KLHL21: variants seen among roughly 807,000 people sequenced by gnomAD.
KLHL21 encodes the protein kelch like family member 21.
In KLHL21, 42 loss-of-function variants were observed where a neutral mutation model predicts 44.1. That is an observed-to-expected ratio of 0.95 (90% CI 0.74 to 1.23). The LOEUF (loss-of-function observed/expected upper bound fraction) is 1.23. Among genes scored for constraint, KLHL21 ranks in the 50% most tolerant of loss-of-function variants. KLHL21 has a pLI of 0.00. For synonymous variants in KLHL21, 524 were observed against 411.6 expected (o/e 1.27, Z -3.31); for missense variants, 918 against 889.1 (o/e 1.03, Z -0.41).
At position 6,602,224 on chromosome 1, in the gene KLHL21, G is replaced by T; in HGVS notation, c.594C>A (p.Ala198=). The part of the protein sequence containing the change: ...DGLCVPKEEA[A]YQLALRWVRA... ...GGACCCAGCGCAGCGCCAGCTGGTA[G>T]GCGGCCTCCTCCTTGGGCACACACA... The change falls in exon 1 of 4, where the codon GCC becomes GCA. Residue 198 remains alanine, a synonymous_variant. Coordinates refer to ENST00000377658, the MANE Select transcript of KLHL21 (RefSeq NM_014851.4). The T allele has an allele frequency of 6.6e-7, 1 of 1,522,966 alleles. No individual in the cohort carries two copies. The highest frequency in any genetic ancestry group is 8.8e-7 in the Non-Finnish European group (1 of 1,142,168). The allele number at this position is 1,522,966 out of a possible 1,614,324, so 94.3% of individuals were successfully genotyped here. A position where few individuals can be genotyped will look rare whatever the true frequency, so the allele number is the denominator to read the frequency against.
In KLHL21 at chr1:6,591,118, G is replaced by C. The variant is rs574355515; in HGVS notation, c.*2247C>G. On this transcript the variant is annotated 3_prime_UTR_variant, in exon 4 of 4. Coordinates refer to ENST00000377658, the MANE Select transcript of KLHL21 (RefSeq NM_014851.4). The stretch of plus-strand genomic sequence containing the variant: ...ACCCACAGCAGAGGGAAACTGGGGA[G>C]AGGAGGGGGCCTGACCCTGGATCCC... 12 of 398,094 alleles carry C rather than the reference G, an allele frequency of 3.0e-5. No homozygotes were observed. The highest frequency in any genetic ancestry group is 1.8e-4 in the African/African-American group (9 of 48,782). The allele number at this position is 398,094 out of a possible 1,614,324, so 24.7% of individuals were successfully genotyped here.
chr1:6,602,235 C>T lies in KLHL21; in HGVS notation c.583G>A (p.Glu195Lys). ...LRDDGLCVPK[E>K]EAAYQLALRW... ...AGCGCCAGCTGGTAGGCGGCCTCCT[C>T]CTTGGGCACACACAGCCCGTCGTCC... The change falls in exon 1 of 4, where the codon GAG becomes AAG. Residue 195 changes from glutamate (E) to lysine (K), a missense_variant. Transcript: ENST00000377658. The T allele has an allele frequency of 6.5e-7, 1 of 1,534,058 alleles. No homozygotes were observed. Among genetic ancestry groups the T allele is most frequent in the Non-Finnish European group, 8.7e-7 (1 of 1,146,902 alleles).
chr1:6,597,166 T>G (rs890779258), intron 2 of KLHL21, among the ~76,000 whole-genome samples: 11 of 152,094 alleles, frequency 7.2e-5, no homozygotes, highest in African/African-American at 2.7e-4. Context: ...TCCAGAGCAC[T>G]GCCTCCTCCC....
rs779131476 is a variant in KLHL21 at position 6,602,292 on chromosome 1, G to C, written c.526C>G (p.Leu176Val). ...GELGAEQLER[L>V]PLARLLRYLR... ...TAGCGCAGCAGGCGCGCCAGTGGCA[G>C]CCGCTCCAGCTGCTCGGCGCCCAGC... is the stretch of plus-strand genomic sequence containing the variant. Residue 176 changes from leucine to valine, a missense_variant, in exon 1 of 4, where the codon CTG becomes GTG. Physicochemically the swap from Leu to Val is conservative, Grantham distance 32 (BLOSUM62 1). Coordinates refer to ENST00000377658, the MANE Select transcript of KLHL21 (RefSeq NM_014851.4). 21 of 1,555,980 alleles carry C rather than the reference G, an allele frequency of 1.3e-5. No individual in the cohort carries two copies. Among genetic ancestry groups the C allele is most frequent in the East Asian group, 9.6e-5 (4 of 41,572 alleles).
chr1:6,602,563 G>T lies in KLHL21; in HGVS notation c.255C>A (p.Asp85Glu). The change falls in exon 1 of 4, where the codon GAC becomes GAA. Residue 85 changes from aspartate (D) to glutamate (E), a missense_variant. Coordinates refer to ENST00000377658, the MANE Select transcript of KLHL21 (RefSeq NM_014851.4). ...TGAAGTCCAGCAGCAGCTGCAGCAT[G>T]TCGGGAGGCACTCCGTGCAGGCGCA... ...ERVRLHGVPP[D>E]MLQLLLDFSY... 1 of 1,535,984 alleles carries T rather than the reference G, an allele frequency of 6.5e-7. No homozygotes were observed. The highest frequency in any genetic ancestry group is 8.7e-7 in the Non-Finnish European group (1 of 1,146,232).
In KLHL21 at chr1:6,595,248, C is replaced by G. The variant is rs536323225; in HGVS notation, c.1500+237G>C. 7.9e-4 allele frequency: 490 copies of G among 623,678 alleles called. 8 individuals carry two copies. In the South Asian group the frequency reaches 8.8e-3, roughly 11 times the overall value. 38.6% of individuals were successfully genotyped at this position (623,678 alleles called of 1,614,324 possible). On this transcript the variant is annotated intron_variant, in intron 3 of 3. Transcript: ENST00000377658. Reference sequence around the variant, plus strand: ...CTTCCTTCTGCTCTCTGGCTCACAGCAGATACTCAATAAACACTGCTCAAA... The same window carrying G: ...CTTCCTTCTGCTCTCTGGCTCACAGGAGATACTCAATAAACACTGCTCAAA...
At chr1:6,597,380 G>A (rs1425255213) in intron 2 of KLHL21, among the ~76,000 whole-genome samples, 2 of 152,322 alleles carry the variant, frequency 1.3e-5, no homozygotes, top group South Asian at 2.1e-4. Flanking sequence ...CCTAGGGGCC[G>A]AAAGGAAGGT....
rs954478408 is a variant in KLHL21, at chr1:6,593,291, C to T, written c.*74G>A. On this transcript the variant is annotated 3_prime_UTR_variant, in exon 4 of 4. Coordinates refer to ENST00000377658, the MANE Select transcript of KLHL21 (RefSeq NM_014851.4). ...CCTGTGAGCCCAACGTGTCCTTGTG[C>T]ACAAAGGAGTGGGGCACTGCCCCGC... is the stretch of plus-strand genomic sequence containing the variant. The T allele has an allele frequency of 4.1e-6, 6 of 1,451,022 alleles. No homozygotes were observed. Among genetic ancestry groups the T allele is most frequent in the Admixed American group, 4.4e-5 (2 of 45,200 alleles). 89.9% of individuals were successfully genotyped at this position (1,451,022 alleles called of 1,614,324 possible).
Position 6,591,355 on chromosome 1 carries a change from C to A in KLHL21, c.*2010G>T. 1 of 236,534 alleles carries A rather than the reference C, an allele frequency of 4.2e-6. No homozygotes were observed. 14.7% of individuals were successfully genotyped at this position (236,534 alleles called of 1,614,324 possible). A position where few individuals can be genotyped will look rare whatever the true frequency, so the allele number is the denominator to read the frequency against. ...CCTCATCTGAGTGGCCGACACAAGC[C>A]TGGAGTACGGCAGCTGCCAACCACA... On this transcript the variant is annotated 3_prime_UTR_variant, in exon 4 of 4. Transcript: ENST00000377658.
rs1415629422 is a variant in KLHL21, at chr1:6,602,007, C to T, written c.811G>A (p.Gly271Arg). The T allele has an allele frequency of 6.5e-7, 1 of 1,542,538 alleles. No homozygotes were observed. The highest frequency in any genetic ancestry group is 1.2e-5 in the South Asian group (1 of 83,682). Residue 271 changes from glycine to arginine, a missense_variant, in exon 1 of 4, where the codon GGG (glycine) becomes AGG (arginine). Coordinates refer to ENST00000377658, the MANE Select transcript of KLHL21 (RefSeq NM_014851.4). ...QAARYDRHDR[G>R]PCPRMRPRPS... The stretch of plus-strand genomic sequence containing the variant: ...CGAGGACGCATTCGGGGACAGGGCC[C>T]GCGGTCGTGGCGGTCGTAGCGCGCC...
At position 6,593,305 on chromosome 1, in the gene KLHL21, G is replaced by A. The variant is rs952570594; in HGVS notation, c.*60C>T. The A allele has an allele frequency of 1.1e-5, 16 of 1,474,162 alleles. No homozygotes were observed. In the Admixed American group the frequency reaches 3.2e-4, roughly 30 times the overall value. 91.3% of individuals were successfully genotyped at this position (1,474,162 alleles called of 1,614,324 possible). A position where few individuals can be genotyped will look rare whatever the true frequency, so the allele number is the denominator to read the frequency against. The stretch of plus-strand genomic sequence containing the variant: ...GTGTCCTTGTGCACAAAGGAGTGGG[G>A]CACTGCCCCGCAGAGGTGCCAGTTA... On this transcript the variant is annotated 3_prime_UTR_variant, in exon 4 of 4. Coordinates refer to ENST00000377658, the MANE Select transcript of KLHL21 (RefSeq NM_014851.4).
chr1:6,601,405 G>C (rs1035069132), intron 1 of KLHL21, among the ~76,000 whole-genome samples: 8 of 152,194 alleles, frequency 5.3e-5, no homozygotes, highest in Non-Finnish European at 1.2e-4. Context: ...TCCCCGGCTT[G>C]TGGGGAACAG....
Position 6,602,798 on chromosome 1 carries a change from A to G in KLHL21, c.20T>C (p.Leu7Pro), listed in dbSNP as rs1040833812. 6.1e-5 allele frequency: 90 copies of G among 1,465,202 alleles called. No homozygotes were observed. Among genetic ancestry groups the G allele is most frequent in the Admixed American group, 7.9e-5 (3 of 37,774 alleles). The allele number at this position is 1,465,202 out of a possible 1,614,324, so 90.8% of individuals were successfully genotyped here. The change falls in exon 1 of 4, where the codon CTG becomes CCG. Residue 7 changes from leucine (L) to proline (P), a missense_variant. By Grantham distance (98) the Leu-to-Pro change is moderately conservative. Transcript: ENST00000377658. ...GGGGTCCGAGAAGGGAAGCACGGCC[A>G]GGGGCGCCGGTCGCTCCATGGCGCC... MERPAP[L>P]AVLPFSDPAH...
Position 6,590,954 on chromosome 1 carries a change from T to C in KLHL21, c.*2411A>G. The C allele has an allele frequency of 2.5e-6, 1 of 398,678 alleles. No individual in the cohort carries two copies. The highest frequency in any genetic ancestry group is 4.4e-6 in the Non-Finnish European group (1 of 226,076). The allele number at this position is 398,678 out of a possible 1,614,324, so 24.7% of individuals were successfully genotyped here. Reference sequence around the variant, plus strand: ...ATAGTAGATCAGCATTAAATACCAGTCACTGTGTTTATATAACTTAATTTG... The same window carrying C: ...ATAGTAGATCAGCATTAAATACCAGCCACTGTGTTTATATAACTTAATTTG... On this transcript the variant is annotated 3_prime_UTR_variant, in exon 4 of 4. Transcript: ENST00000377658.
intron 2 of KLHL21, among the ~76,000 whole-genome samples, chr1:6,597,435 C>G (rs1313509786): frequency 6.6e-6 from 1 of 152,186 alleles, no homozygotes; most frequent in African/African-American, 2.4e-5. Flanking sequence ...TCCACCCCCT[C>G]TTTGAAGACA....
intron 2 of KLHL21, 36 bp from the exon 3 acceptor site, chr1:6,595,593 G>A: frequency 6.3e-7 from 1 of 1,584,324 alleles, no homozygotes; most frequent in South Asian, 1.1e-5. Flanking sequence ...ACTGCTCAGA[G>A]CGAGGAGGAA....
intron 3 of KLHL21, chr1:6,595,150 C>T: frequency 1.8e-6 from 1 of 550,258 alleles, no homozygotes. Context: ...GGGTGCCCTG[C>T]TGCAGGGCCT....
intron 2 of KLHL21, 140 bp from the exon 3 acceptor site, chr1:6,595,697 G>T (rs1456756872): frequency 2.8e-6 from 2 of 706,286 alleles, no homozygotes; most frequent in Non-Finnish European, 4.7e-6. Flanking sequence ...CAGCACCCTT[G>T]CCAGGTAGGC....
intron 2 of KLHL21, among the ~76,000 whole-genome samples, chr1:6,597,058 C>T (rs528626908): frequency 6.6e-6 from 1 of 152,382 alleles, no homozygotes; most frequent in African/African-American, 2.4e-5. Flanking sequence ...TTAGCCTTCT[C>T]TTTAGGGCTC....
Sources: allele counts gnomAD v4.1 joint callset (sites outside exome capture counted in the v4.1 genomes callset), GRCh38; gene constraint gnomAD v4.1.1; transcripts MANE v1.5; gene names NCBI Gene and HGNC (gene_info 2026-07-23, HGNC 2026-07-21).